The following SUMF1 variants were observed in gnomAD, a reference collection of about 807,000 sequenced individuals.
The protein encoded by SUMF1 is formylglycine-generating enzyme.
Under a neutral mutation model 47.6 loss-of-function variants are expected in SUMF1, and 48 were observed. The ratio of observed to expected loss-of-function variants is 1.01; its 90% CI spans 0.80 to 1.28. SUMF1 has a LOEUF of 1.28. SUMF1 is among the 50% of genes most tolerant of loss of function. The pLI is 0.00. For missense variants in SUMF1, 571 were observed against 485.4 expected (o/e 1.18, Z -1.66); for synonymous variants, 230 against 192.1 (o/e 1.20, Z -1.63).
intron 8 of SUMF1, among the ~76,000 whole-genome samples, chr3:4,334,094 C>G (rs1210874197): frequency 6.6e-6 from 1 of 151,498 alleles, no homozygotes; most frequent in East Asian, 1.9e-4. Flanking sequence ...TGCCACTGCA[C>G]TCTAACCTGG....
chr3:4,335,605 A>G (rs1699130671), intron 8 of SUMF1, among the ~76,000 whole-genome samples: 1 of 152,140 alleles, frequency 6.6e-6, no homozygotes, highest in Admixed American at 6.5e-5. Context: ...TGAAGGGAGA[A>G]GCTCCCAGAC....
chr3:4,316,385 G>C (rs760141551), intron 8 of SUMF1: 2 of 1,559,340 alleles, frequency 1.3e-6, no homozygotes, highest in South Asian at 2.4e-5. Flanking sequence ...AAGGAGATGA[G>C]AGCCTTGAAG....
At chr3:4,321,024 C>A (rs1231031975) in intron 8 of SUMF1, among the ~76,000 whole-genome samples, 1 of 152,114 alleles carries the variant, frequency 6.6e-6, no homozygotes, top group Non-Finnish European at 1.5e-5. Context: ...AACAACTCTG[C>A]TATTGCCTTA....
At chr3:4,212,109 C>T (rs1338721999) in intron 8 of SUMF1, among the ~76,000 whole-genome samples, 1 of 152,164 alleles carries the variant, frequency 6.6e-6, no homozygotes, top group Non-Finnish European at 1.5e-5. Context: ...TCAAGTGGGT[C>T]CCTGACCGCC....
chr3:4,108,727 C>G (rs367969115), intron 8 of SUMF1, among the ~76,000 whole-genome samples: 1 of 152,174 alleles, frequency 6.6e-6, no homozygotes, highest in East Asian at 1.9e-4. Context: ...TCTGTTTTAT[C>G]AGAGACTAGG....
intron 3 of SUMF1, among the ~76,000 whole-genome samples, chr3:4,421,488 G>T (rs12630132): frequency 6.6e-6 from 1 of 152,058 alleles, no homozygotes; most frequent in African/African-American, 2.4e-5. Flanking sequence ...TGTTGCAAAT[G>T]ATTCTTTTTG....
At chr3:4,195,535 A>G (rs1236587977) in intron 8 of SUMF1, among the ~76,000 whole-genome samples, 1 of 152,192 alleles carries the variant, frequency 6.6e-6, no homozygotes, top group Non-Finnish European at 1.5e-5. Context: ...CCTACATTTA[A>G]ATGGGAAAAT....
At chr3:4,436,788 A>G (rs1366571761) in intron 3 of SUMF1, among the ~76,000 whole-genome samples, 2 of 151,886 alleles carry the variant, frequency 1.3e-5, no homozygotes, top group Non-Finnish European at 2.9e-5. Context: ...TAAATACAAG[A>G]AATCAACACC....
At chr3:4,459,377 AAAG>A (rs2079751286) in intron 1 of SUMF1, among the ~76,000 whole-genome samples, 1 of 152,186 alleles carries the variant, frequency 6.6e-6, no homozygotes, top group Non-Finnish European at 1.5e-5. Flanking sequence ...AGGGGAAAAA[AAAG>A]AAGTCAAGGA....
intron 8 of SUMF1, among the ~76,000 whole-genome samples, chr3:4,238,317 T>C (rs938284363): frequency 3.3e-5 from 5 of 152,228 alleles, no homozygotes; most frequent in African/African-American, 1.2e-4. Context: ...GGGTCAAATG[T>C]TATTTCTGGT....
chr3:4,244,520 T>C (rs188732114), intron 8 of SUMF1, among the ~76,000 whole-genome samples: 311 of 152,296 alleles, frequency 2.0e-3, no homozygotes, highest in African/African-American at 6.7e-3. Flanking sequence ...TTATGAAGCT[T>C]AGTTGGCTGG....
intron 8 of SUMF1, among the ~76,000 whole-genome samples, chr3:4,085,552 A>G (rs1221392707): frequency 6.6e-6 from 1 of 152,120 alleles, no homozygotes; most frequent in Admixed American, 6.6e-5. Flanking sequence ...TAAATTGTGA[A>G]TAGTCCCTTT....
At chr3:4,349,574 G>A (rs1412177546) in intron 8 of SUMF1, among the ~76,000 whole-genome samples, 1 of 152,132 alleles carries the variant, frequency 6.6e-6, no homozygotes, top group Non-Finnish European at 1.5e-5. Flanking sequence ...GCAAAGACAT[G>A]GAACCAACCC....
At chr3:4,384,810 T>A (rs939676419) in intron 7 of SUMF1, among the ~76,000 whole-genome samples, 5 of 152,216 alleles carry the variant, frequency 3.3e-5, no homozygotes, top group African/African-American at 1.2e-4. Context: ...TGTATGAACA[T>A]AAGTTTTCAT....
intron 8 of SUMF1, among the ~76,000 whole-genome samples, chr3:4,183,342 G>T (rs2600115): frequency 0.34 from 51,499 of 151,970 alleles, 8,863 homozygotes; most frequent in East Asian, 0.4. Flanking sequence ...GTATTAAAAT[G>T]TGAAGCTGTG....
intron 8 of SUMF1, among the ~76,000 whole-genome samples, chr3:4,352,522 G>A (rs974216664): frequency 6.6e-6 from 1 of 152,152 alleles, no homozygotes; most frequent in Non-Finnish European, 1.5e-5. Flanking sequence ...TCTGGGGAAA[G>A]ATGGCTGGGG....
chr3:4,210,970 G>A (rs2125162814), intron 8 of SUMF1, among the ~76,000 whole-genome samples: 1 of 151,400 alleles, frequency 6.6e-6, no homozygotes, highest in African/African-American at 2.4e-5. Context: ...TGTGATGGAG[G>A]CTTCCTGTCC....
chr3:4,355,166 A>G (rs1321289625), intron 8 of SUMF1, among the ~76,000 whole-genome samples: 1 of 152,178 alleles, frequency 6.6e-6, no homozygotes, highest in Non-Finnish European at 1.5e-5. Context: ...CCTAGGCAAC[A>G]TGGAAAAACT....
chr3:4,437,484 G>C (rs1702439543), intron 3 of SUMF1, among the ~76,000 whole-genome samples: 1 of 151,754 alleles, frequency 6.6e-6, no homozygotes. Context: ...ATAAGCAGAA[G>C]GCAAAGAATA....
Sources: allele counts gnomAD v4.1 joint callset (sites outside exome capture counted in the v4.1 genomes callset), GRCh38; gene constraint gnomAD v4.1.1; transcripts MANE v1.5; gene names NCBI Gene and HGNC (gene_info 2026-07-23, HGNC 2026-07-21).